Variants in PHACTR2 observed in about 807,000 individuals in gnomAD.
PHACTR2 encodes chromosome 6 open reading frame 56.
In PHACTR2, 30 loss-of-function variants were observed where a neutral mutation model predicts 76.0. The observed-to-expected ratio is 0.39, with a 90% CI of 0.30 to 0.54. The LOEUF (loss-of-function observed/expected upper bound fraction) is 0.54, where lower values mean the gene tolerates loss of function less well. PHACTR2 is among the 20% of genes least tolerant of loss of function. The pLI, the probability that PHACTR2 is intolerant of heterozygous loss-of-function variation, is 0.61. For missense variants in PHACTR2, 696 were observed against 781.1 expected, an observed-to-expected ratio of 0.89 and a Z score of 1.30; for synonymous variants, 292 against 292.5, an observed-to-expected ratio of 1.00 and a Z score of 0.02.
intron 2 of PHACTR2, among the ~76,000 whole-genome samples, chr6:143,726,438 G>A (rs1017627802): frequency 4.6e-5 from 7 of 151,700 alleles, no homozygotes; most frequent in Non-Finnish European, 7.4e-5. Context: ...CTTCCTTTTT[G>A]CCCCCCCAGT....
In PHACTR2 at chr6:143,828,493, A is replaced by C. The variant is rs1272284723; in HGVS notation, c.*4804A>C. On this transcript the variant is annotated 3_prime_UTR_variant, in exon 13 of 13. Coordinates refer to ENST00000440869, the MANE Select transcript of PHACTR2 (RefSeq NM_001100164.2). The surrounding 1 kb of genome is among the most constrained non-coding windows in gnomAD (Gnocchi z 4.7). ...AACCTTACCCACCAATGCTTTTTTG[A>C]AGACAGTATCATCCCAAATTTAAAA... 2.6e-5 allele frequency: 4 copies of C among 152,302 alleles called. No individual in the cohort carries two copies. The highest frequency in any genetic ancestry group is 7.2e-5 in the African/African-American group (3 of 41,568). 9.4% of individuals were successfully genotyped at this position (152,302 alleles called of 1,614,324 possible). A position where few individuals can be genotyped will look rare whatever the true frequency, so the allele number is the denominator to read the frequency against.
rs1462522704 is a variant in PHACTR2, at chr6:143,548,534, C to A, written c.217+11327C>A. On this transcript the variant is annotated intron_variant, in intron 1 of 11. Coordinates refer to the PHACTR2 transcript ENST00000367584. The surrounding 1 kb of genome is among the most constrained non-coding windows in gnomAD (Gnocchi z 4.5). ...TAGCAGAGAGGGCTTCCCTTGGAAT[C>A]CAATTCCACACACCAGCCTGGGCCA... 6.6e-6 allele frequency among the ~76,000 whole-genome samples: 1 copy of A among 152,070 alleles called. No homozygotes were observed. Among genetic ancestry groups the A allele is most frequent in the African/African-American group, 2.4e-5 (1 of 41,436 alleles).
chr6:143,709,639 A>T lies in PHACTR2; in HGVS notation c.47-2377A>T, dbSNP rs777961882. Among the ~76,000 whole-genome samples, 1 of 152,068 alleles carries T rather than the reference A, an allele frequency of 6.6e-6. No homozygotes were observed. ...ATGGAGGTAAAAATCCCATTTCTCCACCTGTCCTCTGTTGACATGCTGTGT... is the reference window on the plus strand; with the variant it reads ...ATGGAGGTAAAAATCCCATTTCTCCTCCTGTCCTCTGTTGACATGCTGTGT... On this transcript the variant is annotated intron_variant, in intron 1 of 12. Coordinates refer to ENST00000440869, the MANE Select transcript of PHACTR2 (RefSeq NM_001100164.2). This position sits in a 1 kb window ranked among gnomAD's most constrained non-coding sequence, Gnocchi z 4.4.
chr6:143,674,909 G>T (rs991324298), upstream of PHACTR2, among the ~76,000 whole-genome samples: 1 of 152,196 alleles, frequency 6.6e-6, no homozygotes, highest in Non-Finnish European at 1.5e-5. The surrounding 1 kb of genome is among the most constrained non-coding windows in gnomAD (Gnocchi z 4.9). Flanking sequence ...ACCTAGAAAA[G>T]AACTTTCTCA....
intron 2 of PHACTR2, among the ~76,000 whole-genome samples, chr6:143,732,765 G>A (rs1394465950): frequency 1.3e-5 from 2 of 152,108 alleles, no homozygotes; most frequent in Admixed American, 6.6e-5. Flanking sequence ...CAGTGTATGA[G>A]CATTCTAATT....
At chr6:143,814,927 A>C (rs1343842147) in intron 12 of PHACTR2, among the ~76,000 whole-genome samples, 1 of 152,096 alleles carries the variant, frequency 6.6e-6, no homozygotes, top group Non-Finnish European at 1.5e-5. Context: ...TAAAGCAATG[A>C]TCTCATTCTA....
chr6:143,547,735 G>A lies in PHACTR2; in HGVS notation c.217+10528G>A, dbSNP rs1418860832. 1.3e-5 allele frequency among the ~76,000 whole-genome samples: 2 copies of A among 152,164 alleles called. No homozygotes were observed. The highest frequency in any genetic ancestry group is 2.4e-5 in the African/African-American group (1 of 41,430). On this transcript the variant is annotated intron_variant, in intron 1 of 11. Transcript: ENST00000367584. The surrounding 1 kb of genome is among the most constrained non-coding windows in gnomAD (Gnocchi z 4.2). ...TTGTTAACAAGAGCAGCCATTAACCGGGAAGGAGAGTGTGGCTTCATGATA... is the reference window on the plus strand; with the variant it reads ...TTGTTAACAAGAGCAGCCATTAACCAGGAAGGAGAGTGTGGCTTCATGATA...
rs1304075818 is a variant in PHACTR2, at chr6:143,731,197, T to G, written c.215-17788T>G. ...GATATGGTCATTTCAGTTTTTTTCTTTAGACCACTATTATGGTTGATTACA... is the reference window on the plus strand; with the variant it reads ...GATATGGTCATTTCAGTTTTTTTCTGTAGACCACTATTATGGTTGATTACA... On this transcript the variant is annotated intron_variant, in intron 2 of 12. Transcript: ENST00000440869. The surrounding 1 kb of genome is among the most constrained non-coding windows in gnomAD (Gnocchi z 4.9). 6.6e-6 allele frequency among the ~76,000 whole-genome samples: 1 copy of G among 152,236 alleles called. No homozygotes were observed. Among genetic ancestry groups the G allele is most frequent in the African/African-American group, 2.4e-5 (1 of 41,462 alleles).
intron 2 of PHACTR2, among the ~76,000 whole-genome samples, chr6:143,734,727 C>T (rs865778963): frequency 9.2e-5 from 14 of 152,260 alleles, no homozygotes; most frequent in Admixed American, 2.6e-4. Context: ...TTAAATAAGG[C>T]CTCCATTGGG....
In PHACTR2 at chr6:143,618,283, A is replaced by ACACACG. The variant is rs112070406; in HGVS notation, c.13+9964_13+9965insACGCAC. ...CACACACACACACACACACACACAC[A>ACACACG]CACGCACACTCCAGAATGAGTTTCA... On this transcript the variant is annotated intron_variant, in intron 1 of 11. Transcript: ENST00000305766. The surrounding 1 kb of genome is among the most constrained non-coding windows in gnomAD (Gnocchi z 5.2). 4.7e-5 allele frequency among the ~76,000 whole-genome samples: 7 copies of ACACACG among 147,586 alleles called. No individual in the cohort carries two copies. The highest frequency in any genetic ancestry group is 1.7e-4 in the African/African-American group (7 of 40,908).
intron 2 of PHACTR2, among the ~76,000 whole-genome samples, chr6:143,732,035 A>G (rs1359542400): frequency 1.3e-5 from 2 of 152,182 alleles, no homozygotes; most frequent in African/African-American, 2.4e-5. Flanking sequence ...CTCCTTCCAT[A>G]AAGTCTATGT....
intron 1 of PHACTR2, among the ~76,000 whole-genome samples, chr6:143,551,127 T>C (rs1299270848): frequency 1.3e-5 from 2 of 151,930 alleles, no homozygotes; most frequent in Non-Finnish European, 2.9e-5. Flanking sequence ...AAGGTGACAT[T>C]ACCCAAAACA....
rs902020675 is a variant in PHACTR2, at chr6:143,742,426, A to T, written c.215-6559A>T. ...TCTTGCTCATATTTGTCTGGTTTTA[A>T]CAGCTCCAGAAGAAAGAGAAAGCCT... On this transcript the variant is annotated intron_variant, in intron 2 of 12. Coordinates refer to ENST00000440869, the MANE Select transcript of PHACTR2 (RefSeq NM_001100164.2). This position sits in a 1 kb window ranked among gnomAD's most constrained non-coding sequence, Gnocchi z 4.5. 1.3e-5 allele frequency among the ~76,000 whole-genome samples: 2 copies of T among 152,222 alleles called. No homozygotes were observed. The highest frequency in any genetic ancestry group is 4.8e-5 in the African/African-American group (2 of 41,454).
rs960003179 is a variant in PHACTR2, at chr6:143,583,885, G to T, written c.217+46678G>T. Reference sequence around the variant, plus strand: ...AGGAGGACTTCCAGAATTCTGAGAGGTCTAGAGTGCTGGGACGGTGTCTTA... The same window carrying T: ...AGGAGGACTTCCAGAATTCTGAGAGTTCTAGAGTGCTGGGACGGTGTCTTA... On this transcript the variant is annotated intron_variant, in intron 1 of 11. Transcript: ENST00000367584. This position sits in a 1 kb window ranked among gnomAD's most constrained non-coding sequence, Gnocchi z 4.0. Among the ~76,000 whole-genome samples, 18 of 152,334 alleles carry T rather than the reference G, an allele frequency of 1.2e-4. No homozygotes were observed. Among genetic ancestry groups the T allele is most frequent in the Middle Eastern group, 3.4e-3 (1 of 294 alleles).
At chr6:143,748,667 A>G (rs1258132123) in intron 2 of PHACTR2, among the ~76,000 whole-genome samples, 1 of 152,236 alleles carries the variant, frequency 6.6e-6, no homozygotes, top group Non-Finnish European at 1.5e-5. Context: ...TTAGAATGCA[A>G]CATTTCTAGC....
chr6:143,657,481 G>T (rs1409577633), intron 1 of PHACTR2, among the ~76,000 whole-genome samples: 3 of 151,990 alleles, frequency 2.0e-5, no homozygotes, highest in Non-Finnish European at 1.5e-5. Context: ...GTACTCTTTT[G>T]TGTCTGGTTT....
At chr6:143,582,494 G>A (rs1212557352) in intron 1 of PHACTR2, among the ~76,000 whole-genome samples, 1 of 151,936 alleles carries the variant, frequency 6.6e-6, no homozygotes, top group African/African-American at 2.4e-5. Flanking sequence ...TTTTTATTTA[G>A]CAATTTTATT....
At chr6:143,600,521 GATAA>G (rs781602069) in intron 1 of PHACTR2, among the ~76,000 whole-genome samples, 19 of 152,324 alleles carry the variant, frequency 1.2e-4, no homozygotes, top group Non-Finnish European at 2.2e-4. Flanking sequence ...TCCTTGAAGT[GATAA>G]ATAGATTGAG....
Position 143,598,733 on chromosome 6 carries a change from C to T in PHACTR2, c.217+61526C>T, listed in dbSNP as rs753490113. Among the ~76,000 whole-genome samples, 4 of 152,148 alleles carry T rather than the reference C, an allele frequency of 2.6e-5. No individual in the cohort carries two copies. The highest frequency in any genetic ancestry group is 5.9e-5 in the Non-Finnish European group (4 of 68,030). ...CAGTGCCTTTCCTGGCTTTGTCCTT[C>T]GTATCAGATGCAGATGTTTTATCTC... On this transcript the variant is annotated intron_variant, in intron 1 of 11. Coordinates refer to the PHACTR2 transcript ENST00000367584. The surrounding 1 kb of genome is among the most constrained non-coding windows in gnomAD (Gnocchi z 4.1).
Sources: allele counts gnomAD v4.1 joint callset (sites outside exome capture counted in the v4.1 genomes callset), GRCh38; gene constraint gnomAD v4.1.1; non-coding constraint Gnocchi (gnomAD v3.1); transcripts MANE v1.5; gene names NCBI Gene and HGNC (gene_info 2026-07-23, HGNC 2026-07-21).